Variants in ATP2A2 observed in about 807,000 individuals in gnomAD.
The protein encoded by ATP2A2 is sarcoplasmic/endoplasmic reticulum calcium ATPase 2.
In ATP2A2, 14 loss-of-function variants were observed where a neutral mutation model predicts 109.3. That is an observed-to-expected ratio of 0.13 (90% CI 0.08 to 0.20). The LOEUF is 0.20. Ranked by LOEUF, ATP2A2 falls within the 10% of genes least tolerant of loss-of-function variation. ATP2A2 has a pLI of 1.00. For synonymous variants in ATP2A2, 506 were observed against 490.9 expected, an observed-to-expected ratio of 1.03 and a Z score of -0.41; for missense variants, 657 against 1,321.6, an observed-to-expected ratio of 0.50 and a Z score of 7.80.
chr12:110,313,208 G>A (rs1190103042), intron 5 of ATP2A2, among the ~76,000 whole-genome samples: 1 of 151,780 alleles, frequency 6.6e-6, no homozygotes, highest in African/African-American at 2.4e-5. Flanking sequence ...ATGATTCAGT[G>A]GTAGTCACAG....
At position 110,349,158 on chromosome 12, in the gene ATP2A2, A is replaced by G. The variant is rs890489882; in HGVS notation, c.*2688A>G. On this transcript the variant is annotated 3_prime_UTR_variant, in exon 20 of 20. Coordinates refer to ENST00000539276, the MANE Select transcript of ATP2A2 (RefSeq NM_170665.4). Reference sequence around the variant, plus strand: ...TGTTTTGAGCAGGGCCACTTGCTCCATTTCACTGAAGGCTTTGCTGGGTGA... The same window carrying G: ...TGTTTTGAGCAGGGCCACTTGCTCCGTTTCACTGAAGGCTTTGCTGGGTGA... 3 of 985,312 alleles carry G rather than the reference A, an allele frequency of 3.0e-6. No homozygotes were observed. Among genetic ancestry groups the G allele is most frequent in the Non-Finnish European group, 3.6e-6 (3 of 830,006 alleles). 61.0% of individuals were successfully genotyped at this position (985,312 alleles called of 1,614,324 possible).
Position 110,349,195 on chromosome 12 carries a change from C to T in ATP2A2, c.*2725C>T, listed in dbSNP as rs182206822. On this transcript the variant is annotated 3_prime_UTR_variant, in exon 20 of 20. Coordinates refer to ENST00000539276, the MANE Select transcript of ATP2A2 (RefSeq NM_170665.4). ...GCTTTGCTGGGTGAAAACACTTCAG[C>T]ATCTCCTCCTCAGGTCAACCCATAA... The T allele has an allele frequency of 1.5e-4, 149 of 985,608 alleles. 1 individual carries two copies. The highest frequency in any genetic ancestry group is 1.2e-3 in the African/African-American group (71 of 57,376). The allele number at this position is 985,608 out of a possible 1,614,324, so 61.1% of individuals were successfully genotyped here.
chr12:110,316,646 G>A (rs1040907539), intron 5 of ATP2A2, among the ~76,000 whole-genome samples: 5 of 152,184 alleles, frequency 3.3e-5, no homozygotes, highest in Non-Finnish European at 7.4e-5. Flanking sequence ...CCTTTATGGA[G>A]CTTTTGGTTT....
At chr12:110,324,005 G>A (rs191199269) in intron 6 of ATP2A2, among the ~76,000 whole-genome samples, 1 of 152,174 alleles carries the variant, frequency 6.6e-6, no homozygotes, top group Non-Finnish European at 1.5e-5. Context: ...GCCCCCATAA[G>A]AGATGAAAAT....
rs1880208850 is a variant in ATP2A2 at position 110,349,582 on chromosome 12, G to C, written c.*3112G>C. On this transcript the variant is annotated 3_prime_UTR_variant, in exon 20 of 20. Transcript: ENST00000539276. Reference sequence around the variant, plus strand: ...CTGGCCGACTTCCCTCACAACAGCTGCTCCCACATCCCCTCGGACTGGAGC... The same window carrying C: ...CTGGCCGACTTCCCTCACAACAGCTCCTCCCACATCCCCTCGGACTGGAGC... The C allele has an allele frequency of 1.0e-6, 1 of 986,432 alleles. No individual in the cohort carries two copies. Among genetic ancestry groups the C allele is most frequent in the Admixed American group, 6.1e-5 (1 of 16,492 alleles). 61.1% of individuals were successfully genotyped at this position (986,432 alleles called of 1,614,324 possible).
intron 3 of ATP2A2, among the ~76,000 whole-genome samples, chr12:110,285,594 G>A (rs1872575556): frequency 6.6e-6 from 1 of 152,198 alleles, no homozygotes; most frequent in Non-Finnish European, 1.5e-5. Flanking sequence ...ATCAGAGTAT[G>A]TGAAAGGGGG....
At position 110,346,637 on chromosome 12, in the gene ATP2A2, T is replaced by G. The variant is rs1879892390; in HGVS notation, c.*167T>G. The G allele has an allele frequency of 6.8e-7, 1 of 1,469,392 alleles. No individual in the cohort carries two copies. Among genetic ancestry groups the G allele is most frequent in the Admixed American group, 2.5e-5 (1 of 39,238 alleles). 91.0% of individuals were successfully genotyped at this position (1,469,392 alleles called of 1,614,324 possible). On this transcript the variant is annotated 3_prime_UTR_variant, in exon 20 of 20. Coordinates refer to ENST00000539276, the MANE Select transcript of ATP2A2 (RefSeq NM_170665.4). ...TTTTCTGACTCCAGTGGGGCAAGATTTTCCTTTTTTATACACATAATTAAA... is the reference window on the plus strand; with the variant it reads ...TTTTCTGACTCCAGTGGGGCAAGATGTTCCTTTTTTATACACATAATTAAA...
At chr12:110,335,514 C>CA (rs1388175304) in intron 11 of ATP2A2, among the ~76,000 whole-genome samples, 1 of 151,222 alleles carries the variant, frequency 6.6e-6, no homozygotes, top group South Asian at 2.1e-4. Context: ...GACCCCATCT[C>CA]AAAAAAAAAT....
At chr12:110,296,871 A>T in intron 5 of ATP2A2, 134 bp downstream of exon 5, 1 of 1,035,980 alleles carries the variant, frequency 9.7e-7, no homozygotes, top group South Asian at 1.5e-5. Context: ...CATTCATACA[A>T]ATCCTACATT....
intron 5 of ATP2A2, among the ~76,000 whole-genome samples, chr12:110,321,593 C>G (rs1174543237): frequency 6.6e-6 from 1 of 152,156 alleles, no homozygotes; most frequent in African/African-American, 2.4e-5. Flanking sequence ...ACCATTCCTC[C>G]CAGCTAATTT....
In ATP2A2 at chr12:110,326,469, G is replaced by A. The variant is rs745604029; in HGVS notation, c.624G>A (p.Leu208=). ...RAVNQDKKNM[L]FSGTNIAAGK... ...TCAACCAAGATAAAAAGAACATGCT[G>A]TTTTCTGTAAGTACTTTATGAAATG... Residue 208 remains leucine, a synonymous_variant, in exon 7 of 20, where the codon CTG becomes CTA. Coordinates refer to ENST00000539276, the MANE Select transcript of ATP2A2 (RefSeq NM_170665.4). 3.7e-6 allele frequency: 6 copies of A among 1,610,954 alleles called. No individual in the cohort carries two copies. In the South Asian group the frequency reaches 5.5e-5, roughly 15 times the overall value.
chr12:110,323,217 C>A, intron 6 of ATP2A2, 145 bp downstream of exon 6: 1 of 730,506 alleles, frequency 1.4e-6, no homozygotes, highest in South Asian at 1.5e-5. Context: ...TTTAGTCTCG[C>A]TCCATTGCCC....
chr12:110,350,361 GT>G lies in ATP2A2; in HGVS notation c.*3896del. 2 of 1,613,980 alleles carry G rather than the reference GT, an allele frequency of 1.2e-6. No individual in the cohort carries two copies. Among genetic ancestry groups the G allele is most frequent in the South Asian group, 2.2e-5 (2 of 91,072 alleles). On this transcript the variant is annotated 3_prime_UTR_variant, in exon 20 of 20. Coordinates refer to ENST00000539276, the MANE Select transcript of ATP2A2 (RefSeq NM_170665.4). The stretch of plus-strand genomic sequence containing the variant: ...AGGGTGTTCGGTTGCGTGCATGTGC[GT>G]TTTTAGCAACACATCTACCAACCCT...
At chr12:110,333,107 C>CG (rs144655160) in intron 9 of ATP2A2, 74 bp from the exon 10 acceptor site, 105 of 1,245,434 alleles carry the variant, frequency 8.4e-5, no homozygotes, top group Admixed American at 1.2e-4. Context: ...TAAACAATTG[C>CG]GGGGGGGCAG....
chr12:110,325,327 A>G (rs775745181), intron 6 of ATP2A2, among the ~76,000 whole-genome samples: 12 of 152,070 alleles, frequency 7.9e-5, no homozygotes, highest in African/African-American at 1.2e-4. Context: ...TTATATATCT[A>G]TGACATGATT....
At chr12:110,291,798 C>T (rs1873340934) in intron 3 of ATP2A2, among the ~76,000 whole-genome samples, 2 of 151,914 alleles carry the variant, frequency 1.3e-5, no homozygotes, top group Non-Finnish European at 2.9e-5. Context: ...AGGCACCTAC[C>T]ACCATGTCCA....
chr12:110,328,460 T>C (rs188657178), intron 8 of ATP2A2, among the ~76,000 whole-genome samples: 2 of 152,054 alleles, frequency 1.3e-5, no homozygotes, highest in East Asian at 3.9e-4. Flanking sequence ...TCCCAGCTAC[T>C]CGAGAGGCTG....
Position 110,281,562 on chromosome 12 carries a change from G to A in ATP2A2, c.-228G>A. ...CGAGGGGAGGGAGGGTGGGTCAGGA[G>A]CCCCCAACCCGCCCTGCGGAGCTCG... On this transcript the variant is annotated 5_prime_UTR_variant, in exon 1 of 20. Coordinates refer to ENST00000539276, the MANE Select transcript of ATP2A2 (RefSeq NM_170665.4). The A allele has an allele frequency of 3.4e-6, 1 of 295,460 alleles. No homozygotes were observed. Among genetic ancestry groups the A allele is most frequent in the South Asian group, 7.9e-5 (1 of 12,634 alleles). The allele number at this position is 295,460 out of a possible 1,614,324, so 18.3% of individuals were successfully genotyped here. A position where few individuals can be genotyped will look rare whatever the true frequency, so the allele number is the denominator to read the frequency against.
In ATP2A2 at chr12:110,311,386, A is replaced by G. The variant is rs185668768; in HGVS notation, c.464-11606A>G. On this transcript the variant is annotated intron_variant, in intron 5 of 19. Coordinates refer to ENST00000539276, the MANE Select transcript of ATP2A2 (RefSeq NM_170665.4). ...GGGTGGATCACAAGATCAGGAGTTC[A>G]AGACCAGCCTGGCCAAGATGGTGAA... Among the ~76,000 whole-genome samples the G allele has an allele frequency of 2.8e-3, 424 of 152,102 alleles. 1 individual carries two copies. The highest frequency in any genetic ancestry group is 6.8e-3 in the Middle Eastern group (2 of 294).
Sources: gnomAD v4.1 joint callset for allele counts (sites outside exome capture counted in the v4.1 genomes callset) on GRCh38, gnomAD v4.1.1 for gene constraint, MANE v1.5 for transcripts, NCBI Gene and HGNC (gene_info 2026-07-23, HGNC 2026-07-21) for gene names.